Variants in SYT14 observed in about 807,000 individuals in gnomAD.
SYT14 encodes synaptotagmin 14.
A neutral mutation model predicts 74.2 loss-of-function variants in SYT14; 32 were observed. The ratio of observed to expected loss-of-function variants is 0.43; its 90% CI spans 0.33 to 0.58. The LOEUF (loss-of-function observed/expected upper bound fraction) is 0.58. Among genes scored for constraint, SYT14 ranks in the 20% least tolerant of loss-of-function variants. The probability of loss-of-function intolerance (pLI) is 0.05; values close to 1 mark genes in which losing one functional copy is unlikely to be tolerated. For missense variants in SYT14, 791 were observed against 981.8 expected (o/e 0.81, Z 2.60); for synonymous variants, 298 against 337.7 (o/e 0.88, Z 1.29).
At chr1:210,034,058 G>A (rs551040377) in intron 5 of SYT14, among the ~76,000 whole-genome samples, 1 of 151,838 alleles carries the variant, frequency 6.6e-6, no homozygotes, top group African/African-American at 2.4e-5. Context: ...TATAATTTAT[G>A]AATGATTATG....
At chr1:210,079,333 A>G (rs2081576108) in intron 5 of SYT14, among the ~76,000 whole-genome samples, 1 of 152,118 alleles carries the variant, frequency 6.6e-6, no homozygotes, top group Non-Finnish European at 1.5e-5. Flanking sequence ...TTATATAACT[A>G]TAATTGTTAC....
At chr1:210,109,131 T>A (rs2102572800) in intron 7 of SYT14, among the ~76,000 whole-genome samples, 1 of 152,086 alleles carries the variant, frequency 6.6e-6, no homozygotes, top group Non-Finnish European at 1.5e-5. Flanking sequence ...CATCAAAAAG[T>A]GGGCAAAGGA....
chr1:209,969,788 G>C (rs1291232427), intron 2 of SYT14, among the ~76,000 whole-genome samples: 1 of 151,942 alleles, frequency 6.6e-6, no homozygotes. Context: ...CCTCATTGTG[G>C]TTCTGATTTT....
chr1:210,062,508 A>G (rs1319379483), intron 5 of SYT14, among the ~76,000 whole-genome samples: 5 of 152,020 alleles, frequency 3.3e-5, no homozygotes, highest in East Asian at 1.9e-4. Flanking sequence ...TTGCTCAGCC[A>G]TGCTGTTTCT....
intron 5 of SYT14, among the ~76,000 whole-genome samples, chr1:210,079,127 T>A (rs995883045): frequency 2.0e-5 from 3 of 152,122 alleles, no homozygotes; most frequent in Admixed American, 6.5e-5. Context: ...AGTAGATGCC[T>A]TGTAAAACTA....
At chr1:210,034,158 T>G (rs1203438135) in intron 5 of SYT14, among the ~76,000 whole-genome samples, 2 of 151,758 alleles carry the variant, frequency 1.3e-5, no homozygotes, top group Non-Finnish European at 3.0e-5. Flanking sequence ...AGTGTCCATA[T>G]TTTGAAGATG....
chr1:210,077,804 C>G (rs1260552477), intron 5 of SYT14, among the ~76,000 whole-genome samples: 2 of 152,038 alleles, frequency 1.3e-5, no homozygotes, highest in Non-Finnish European at 2.9e-5. Context: ...TGGTATCTGA[C>G]TGTGATTTGG....
chr1:210,169,221 G>GTTTTTTTTTTTTTTTTT (rs35974726), exon 10 of SYT14: 14 of 50,244 alleles, frequency 2.8e-4, no homozygotes, highest in Non-Finnish European at 3.4e-4. Flanking sequence ...TGTTTTTGGT[G>GTTTTTTTTTTTTTTTTT]TTTTTTTTTT....
At chr1:210,043,902 G>C (rs974837561) in intron 5 of SYT14, among the ~76,000 whole-genome samples, 5 of 152,102 alleles carry the variant, frequency 3.3e-5, no homozygotes, top group African/African-American at 1.2e-4. Context: ...CTGTCTCACA[G>C]ACTATTCCAG....
chr1:210,022,926 A>G (rs1306961617), intron 5 of SYT14, among the ~76,000 whole-genome samples: 2 of 152,142 alleles, frequency 1.3e-5, no homozygotes, highest in Admixed American at 6.5e-5. Context: ...GCCTGACTTT[A>G]TAGCCTATGG....
At chr1:210,055,892 A>C (rs548898185) in intron 5 of SYT14, among the ~76,000 whole-genome samples, 6 of 152,102 alleles carry the variant, frequency 3.9e-5, no homozygotes, top group Non-Finnish European at 8.8e-5. Flanking sequence ...TCTCCAGTTC[A>C]CCTTTAACCA....
chr1:210,165,929 T>G (rs975803683), exon 10 of SYT14: 40 of 152,220 alleles, frequency 2.6e-4, no homozygotes, highest in African/African-American at 9.2e-4. Context: ...GTGCCATGTG[T>G]TGTTGTTCCA....
intron 5 of SYT14, among the ~76,000 whole-genome samples, chr1:210,049,724 C>T (rs1336981207): frequency 6.6e-6 from 1 of 152,158 alleles, no homozygotes; most frequent in Non-Finnish European, 1.5e-5. Context: ...TTCTTGACTT[C>T]CGTGTACTCA....
At chr1:210,164,583 G>A (rs1420171890) in exon 10 of SYT14, 1 of 152,556 alleles carries the variant, frequency 6.6e-6, no homozygotes, top group African/African-American at 2.4e-5. Context: ...TCCAGTGAAA[G>A]AAAAAATAGG....
chr1:210,012,414 G>A lies in SYT14; in HGVS notation c.-485-1219G>A, dbSNP rs1268008394. Among the ~76,000 whole-genome samples the A allele has an allele frequency of 5.9e-5, 9 of 152,206 alleles. No homozygotes were observed. The East Asian group carries it at 1.3e-3, about 23-fold the overall frequency. Reference sequence around the variant, plus strand: ...ATATGTAAGTTGGTTGAGTGAATGAGTAGGATACAGTAGAGAGGAGTTGGT... The same window carrying A: ...ATATGTAAGTTGGTTGAGTGAATGAATAGGATACAGTAGAGAGGAGTTGGT... On this transcript the variant is annotated intron_variant, in intron 2 of 9. Coordinates refer to ENST00000637265, the Ensembl canonical transcript of SYT14.
At chr1:209,986,530 G>A (rs547092249) in intron 2 of SYT14, among the ~76,000 whole-genome samples, 69 of 151,940 alleles carry the variant, frequency 4.5e-4, no homozygotes, top group Admixed American at 2.4e-3. Flanking sequence ...GGAGAATGGC[G>A]TGAACCCAGG....
chr1:209,958,833 A>G (rs1210708748), intron 2 of SYT14, among the ~76,000 whole-genome samples: 3 of 152,156 alleles, frequency 2.0e-5, no homozygotes, highest in Admixed American at 2.0e-4. Flanking sequence ...CCTGGGGAAA[A>G]TAAACAAAAT....
intron 2 of SYT14, among the ~76,000 whole-genome samples, chr1:209,985,203 C>A (rs2079550087): frequency 6.6e-6 from 1 of 152,158 alleles, no homozygotes; most frequent in Non-Finnish European, 1.5e-5. Flanking sequence ...TGTCTAGGAG[C>A]CTGTAAAATC....
chr1:209,975,352 A>G lies in SYT14; in HGVS notation c.-486+22596A>G, dbSNP rs147503955. Among the ~76,000 whole-genome samples the G allele has an allele frequency of 9.5e-3, 1,442 of 152,302 alleles. 19 individuals are homozygous for G. The highest frequency in any genetic ancestry group is 0.013 in the Non-Finnish European group (855 of 68,034). On this transcript the variant is annotated intron_variant, in intron 2 of 9. Transcript: ENST00000637265. ...GATACTGGCTGTGGGTTTATCATAG[A>G]CAGCTCTTATTATTTTGAGATACAT...
Sources: allele counts gnomAD v4.1 joint callset (sites outside exome capture counted in the v4.1 genomes callset), GRCh38; gene constraint gnomAD v4.1.1; transcripts MANE v1.5; gene names NCBI Gene and HGNC (gene_info 2026-07-23, HGNC 2026-07-21).